USH2A: variants seen among roughly 807,000 people sequenced by gnomAD.
The protein encoded by USH2A is usherin, also known as Usher syndrome 2A (autosomal recessive, mild).
A neutral mutation model predicts 538.9 loss-of-function variants in USH2A; 443 were observed. The ratio of observed to expected loss-of-function variants is 0.82; its 90% CI spans 0.76 to 0.89. USH2A has a LOEUF of 0.89. USH2A is among the 40% of genes least tolerant of loss of function. The pLI, the probability that USH2A is intolerant of heterozygous loss-of-function variation, is 0.00. For missense variants in USH2A, 6,633 were observed against 6,324.8 expected (o/e 1.05, Z -1.65); for synonymous variants, 2,413 against 2,273.5 (o/e 1.06, Z -1.75).
At position 216,048,735 on chromosome 1, in the gene USH2A, A is replaced by AAG. The variant is rs921025124; in HGVS notation, c.6050-90_6050-89dup. 3.4e-5 allele frequency: 37 copies of AAG among 1,101,538 alleles called. 1 individual carries two copies. In the African/African-American group the frequency reaches 5.1e-4, roughly 15 times the overall value. The allele number at this position is 1,101,538 out of a possible 1,614,324, so 68.2% of individuals were successfully genotyped here. A position where few individuals can be genotyped will look rare whatever the true frequency, so the allele number is the denominator to read the frequency against. On this transcript the variant is annotated intron_variant, in intron 30 of 71. Coordinates refer to ENST00000307340, the MANE Select transcript of USH2A (RefSeq NM_206933.4). ...TGTGTATATCTGTGTGTGTGTCTAT[A>AAG]AGAGAGAGAGACAAAAACAAAGAGA...
intron 21 of USH2A, among the ~76,000 whole-genome samples, chr1:216,125,529 C>G (rs529383127): frequency 1.3e-5 from 2 of 152,264 alleles, no homozygotes; most frequent in African/African-American, 4.8e-5. Flanking sequence ...AGTTAGTAGG[C>G]GAGCTTTAAA....
chr1:216,020,707 T>C (rs1009280950), intron 32 of USH2A, among the ~76,000 whole-genome samples: 4 of 152,068 alleles, frequency 2.6e-5, no homozygotes, highest in Admixed American at 6.6e-5. Context: ...CAGCAACCGC[T>C]TGGGAGAAGG....
chr1:215,745,480 C>T (rs1660445848), intron 58 of USH2A, among the ~76,000 whole-genome samples: 1 of 152,176 alleles, frequency 6.6e-6, no homozygotes, highest in African/African-American at 2.4e-5. Context: ...CCATTTAATA[C>T]TACTAGAATG....
intron 64 of USH2A, among the ~76,000 whole-genome samples, chr1:215,666,157 G>A (rs990883963): frequency 6.6e-6 from 1 of 152,126 alleles, no homozygotes; most frequent in African/African-American, 2.4e-5. Context: ...ATGCTGAAAT[G>A]ACTCAAACTA....
rs749594977 is a variant in USH2A, at chr1:216,325,398, A to G, written c.1050T>C (p.Val350=). 5.0e-6 allele frequency: 8 copies of G among 1,613,794 alleles called. No individual in the cohort carries two copies. The Admixed American group carries it at 1.2e-4, about 24-fold the overall frequency. Residue 350 remains valine, a synonymous_variant, in exon 6 of 72, where the codon GTT becomes GTC. Coordinates refer to ENST00000307340, the MANE Select transcript of USH2A (RefSeq NM_206933.4). ...HPLSFVNDND[V]GTSWVSNVFT... ...ACACATTTGAAACCCATGAAGTACC[A>G]ACATCATTATCATTGACAAAAGAGA...
rs549567628 is a variant in USH2A, at chr1:216,374,964, T to C, written c.652-9879A>G. Among the ~76,000 whole-genome samples the C allele has an allele frequency of 2.0e-5, 3 of 152,200 alleles. No homozygotes were observed. In the South Asian group the frequency reaches 6.2e-4, roughly 32 times the overall value. The stretch of plus-strand genomic sequence containing the variant: ...TCGGTGCTAAGTAGATTCGTGCTAT[T>C]TCAGTGTTACTACTCCCAGGCCCAC... On this transcript the variant is annotated intron_variant, in intron 3 of 71. Transcript: ENST00000307340.
chr1:216,256,053 C>A (rs1256058964), intron 11 of USH2A, among the ~76,000 whole-genome samples: 1 of 152,008 alleles, frequency 6.6e-6, no homozygotes. Context: ...AATAAAGTCA[C>A]CCTAGATTTC....
At chr1:216,198,759 T>C (rs2034913863) in intron 17 of USH2A, among the ~76,000 whole-genome samples, 175 bp from the exon 18 acceptor site, 1 of 152,180 alleles carries the variant, frequency 6.6e-6, no homozygotes, top group African/African-American at 2.4e-5. Context: ...GTAATCTAGA[T>C]GACAGGTACA....
intron 35 of USH2A, among the ~76,000 whole-genome samples, chr1:215,982,465 C>T (rs1034480905): frequency 2.6e-5 from 4 of 152,198 alleles, no homozygotes; most frequent in Non-Finnish European, 4.4e-5. Flanking sequence ...CAAAAACAAG[C>T]TTAGGCAGGT....
chr1:216,265,772 TA>T (rs1160524975), intron 11 of USH2A, among the ~76,000 whole-genome samples: 1 of 152,034 alleles, frequency 6.6e-6, no homozygotes, highest in Non-Finnish European at 1.5e-5. Context: ...CGGAAGACAT[TA>T]TGTTAAGTGA....
At chr1:215,939,767 A>AT (rs920731810) in intron 37 of USH2A, among the ~76,000 whole-genome samples, 8 of 151,438 alleles carry the variant, frequency 5.3e-5, no homozygotes, top group African/African-American at 1.7e-4. Context: ...ATATTCCATA[A>AT]TTTTTTTTTC....
At chr1:216,278,065 T>C (rs1571651611) in intron 11 of USH2A, among the ~76,000 whole-genome samples, 1 of 152,290 alleles carries the variant, frequency 6.6e-6, no homozygotes, top group Admixed American at 6.5e-5. Context: ...TATCACATTA[T>C]CTTGCACTTA....
At chr1:216,155,134 T>C (rs1432066376) in intron 21 of USH2A, among the ~76,000 whole-genome samples, 1 of 152,156 alleles carries the variant, frequency 6.6e-6, no homozygotes, top group Non-Finnish European at 1.5e-5. Context: ...TGGCCATTCC[T>C]GGACACTGGG....
At chr1:216,255,644 G>C (rs1412478452) in intron 11 of USH2A, among the ~76,000 whole-genome samples, 5 of 152,116 alleles carry the variant, frequency 3.3e-5, no homozygotes, top group Admixed American at 3.3e-4. Flanking sequence ...TTATGGTTCA[G>C]AATTTGATTT....
intron 58 of USH2A, among the ~76,000 whole-genome samples, chr1:215,757,596 T>A (rs2255040): frequency 0.87 from 133,070 of 152,244 alleles, 60,337 homozygotes; most frequent in Non-Finnish European, 0.99. Flanking sequence ...TTTGAAGTGT[T>A]TTTAACATCT....
intron 4 of USH2A, among the ~76,000 whole-genome samples, chr1:216,331,894 C>T (rs1022359385): frequency 9.2e-5 from 14 of 152,092 alleles, no homozygotes; most frequent in African/African-American, 3.4e-4. Context: ...TCCATAAAAG[C>T]AATGGGAACA....
At chr1:216,306,899 A>G (rs1273728528) in intron 9 of USH2A, among the ~76,000 whole-genome samples, 1 of 152,204 alleles carries the variant, frequency 6.6e-6, no homozygotes. Flanking sequence ...CAGGTCTCTT[A>G]GCCCTGGATA....
Position 216,065,903 on chromosome 1 carries a change from TA to T in USH2A, c.6049+4197del, listed in dbSNP as rs530691624. ...CAGAGTGAGACCCTGTCTCAAAAAA[TA>T]AAAAAATAAAATAAAATAAAAAATA... On this transcript the variant is annotated intron_variant, in intron 30 of 71. Coordinates refer to ENST00000307340, the MANE Select transcript of USH2A (RefSeq NM_206933.4). Among the ~76,000 whole-genome samples the T allele has an allele frequency of 4.1e-3, 622 of 150,334 alleles. 6 individuals carry two copies. Among genetic ancestry groups the T allele is most frequent in the African/African-American group, 0.014 (591 of 40,904 alleles).
rs141988519 is a variant in USH2A at position 215,934,611 on chromosome 1, C to T, written c.7300+5G>A. ...ATTAGATAGCCAACATTTGCATAGA[C>T]TTACCTCCTGGAGGCATTGCAATTG... On this transcript the variant is annotated splice_donor_5th_base_variant and intron_variant, in intron 38 of 71. Transcript: ENST00000307340. The T allele has an allele frequency of 6.2e-7, 1 of 1,611,676 alleles. No individual in the cohort carries two copies. Among genetic ancestry groups the T allele is most frequent in the Non-Finnish European group, 8.5e-7 (1 of 1,178,414 alleles).
Sources: gnomAD v4.1 joint callset for allele counts (sites outside exome capture counted in the v4.1 genomes callset) on GRCh38, gnomAD v4.1.1 for gene constraint, MANE v1.5 for transcripts, NCBI Gene and HGNC (gene_info 2026-07-23, HGNC 2026-07-21) for gene names.